Variants in SRPK2 observed in about 807,000 individuals in gnomAD.
SRPK2 encodes SFRS protein kinase 2.
A neutral mutation model predicts 90.8 loss-of-function variants in SRPK2; 21 were observed. The observed-to-expected ratio is 0.23, with a 90% CI of 0.16 to 0.33. SRPK2 has a LOEUF of 0.33. Among genes scored for constraint, SRPK2 ranks in the 10% least tolerant of loss-of-function variants. SRPK2 has a pLI of 1.00. For missense variants in SRPK2, 620 were observed against 869.0 expected, an observed-to-expected ratio of 0.71 and a Z score of 3.60; for synonymous variants, 288 against 311.1, an observed-to-expected ratio of 0.93 and a Z score of 0.78.
At chr7:105,157,100 A>G (rs1426655672) in intron 7 of SRPK2, among the ~76,000 whole-genome samples, 1 of 152,224 alleles carries the variant, frequency 6.6e-6, no homozygotes, top group Non-Finnish European at 1.5e-5. Context: ...GTATGCACAG[A>G]GAGCCAAGAA....
chr7:105,169,284 AAG>A lies in SRPK2; in HGVS notation c.230-21_230-20del, dbSNP rs746003582. ...TATCCACCTTAAAAAACAAGAAAGA[AAG>A]AAAAAAATTCAAAATATTCGAAAAG... On this transcript the variant is annotated intron_variant, in intron 3 of 15. Coordinates refer to ENST00000393651, the MANE Select transcript of SRPK2 (RefSeq NM_182692.3). The A allele has an allele frequency of 6.3e-7, 1 of 1,592,148 alleles. No individual in the cohort carries two copies. Among genetic ancestry groups the A allele is most frequent in the Non-Finnish European group, 8.6e-7 (1 of 1,163,332 alleles).
chr7:105,292,680 T>C (rs1176135974), intron 2 of SRPK2, among the ~76,000 whole-genome samples: 3 of 152,148 alleles, frequency 2.0e-5, no homozygotes, highest in African/African-American at 7.2e-5. Flanking sequence ...TGTTTTTCTG[T>C]TTTATTCCTT....
At chr7:105,228,446 A>T (rs2129618809) in intron 2 of SRPK2, among the ~76,000 whole-genome samples, 1 of 152,368 alleles carries the variant, frequency 6.6e-6, no homozygotes, top group Non-Finnish European at 1.5e-5. Context: ...ACAAACTTGA[A>T]AGATGAAATA....
chr7:105,352,050 G>C (rs1220058653), intron 2 of SRPK2, among the ~76,000 whole-genome samples: 2 of 152,078 alleles, frequency 1.3e-5, no homozygotes, highest in Non-Finnish European at 2.9e-5. Context: ...GAGAAAATAA[G>C]AGATTCAGGA....
intron 2 of SRPK2, among the ~76,000 whole-genome samples, chr7:105,226,703 GA>G (rs1203511355): frequency 6.6e-6 from 1 of 152,018 alleles, no homozygotes; most frequent in Non-Finnish European, 1.5e-5. Flanking sequence ...CAGACTTAAG[GA>G]TAAGACAGTG....
At chr7:105,337,839 C>A (rs542545688) in intron 2 of SRPK2, among the ~76,000 whole-genome samples, 33 of 151,772 alleles carry the variant, frequency 2.2e-4, no homozygotes, top group African/African-American at 8.0e-4. Context: ...TATGGCAGCC[C>A]GGGTCAACTA....
chr7:105,266,413 T>C (rs1427564217), intron 2 of SRPK2, among the ~76,000 whole-genome samples: 1 of 152,172 alleles, frequency 6.6e-6, no homozygotes, highest in Non-Finnish European at 1.5e-5. Flanking sequence ...GAGGTACTTT[T>C]CTCTACCCAG....
chr7:105,241,026 C>T (rs1800748771), intron 2 of SRPK2, among the ~76,000 whole-genome samples: 1 of 152,066 alleles, frequency 6.6e-6, no homozygotes, highest in Admixed American at 6.5e-5. Flanking sequence ...GATGTAAGAA[C>T]TCTTAAGTGA....
chr7:105,295,320 A>G (rs1809656527), intron 2 of SRPK2, among the ~76,000 whole-genome samples: 1 of 151,712 alleles, frequency 6.6e-6, no homozygotes, highest in Non-Finnish European at 1.5e-5. Context: ...TTATGTTACA[A>G]ATTCATATAA....
chr7:105,271,794 A>G (rs1460718182), intron 2 of SRPK2, among the ~76,000 whole-genome samples: 7 of 152,158 alleles, frequency 4.6e-5, no homozygotes, highest in Non-Finnish European at 8.8e-5. Flanking sequence ...TCAATTAGTC[A>G]GTTGTTTTGG....
chr7:105,146,799 C>T, intron 7 of SRPK2, 141 bp from the exon 8 acceptor site: 1 of 808,858 alleles, frequency 1.2e-6, no homozygotes, highest in East Asian at 2.7e-5. Context: ...AATCTCCCTC[C>T]CATGCCTACC....
At chr7:105,168,745 A>ATGTGTGTGTGTG (rs58073613) in intron 4 of SRPK2, among the ~76,000 whole-genome samples, 5,481 of 103,970 alleles carry the variant, frequency 0.053, 266 homozygotes, top group Middle Eastern at 0.11. Context: ...CACGCACCAA[A>ATGTGTGTGTGTG]TGTGTGTGTG....
At chr7:105,267,646 A>G (rs1805276890) in intron 2 of SRPK2, among the ~76,000 whole-genome samples, 1 of 152,166 alleles carries the variant, frequency 6.6e-6, no homozygotes, top group South Asian at 2.1e-4. Context: ...TTAGAGCCAT[A>G]AGCTTTTTCC....
At chr7:105,274,557 G>A (rs1299576652) in intron 2 of SRPK2, among the ~76,000 whole-genome samples, 1 of 150,694 alleles carries the variant, frequency 6.6e-6, no homozygotes, top group African/African-American at 2.4e-5. Flanking sequence ...GCAAGACTCC[G>A]TCTCAAAAAA....
intron 13 of SRPK2, among the ~76,000 whole-genome samples, chr7:105,132,269 G>T (rs905731648): frequency 1.3e-5 from 2 of 152,206 alleles, no homozygotes; most frequent in Non-Finnish European, 2.9e-5. Context: ...GCTTTATAAG[G>T]GAAGAGAGAT....
rs540703941 is a variant in SRPK2, at chr7:105,268,704, A to G, written c.72-64919T>C. The G allele has an allele frequency of 7.3e-5, 99 of 1,348,426 alleles. No individual in the cohort carries two copies. In the East Asian group the frequency reaches 1.8e-3, roughly 25 times the overall value. The allele number at this position is 1,348,426 out of a possible 1,614,324, so 83.5% of individuals were successfully genotyped here. On this transcript the variant is annotated intron_variant, in intron 2 of 15. Transcript: ENST00000393651. ...ACAGCACAATACCAGCATGCAGGAC[A>G]ATACGTTATATAGCAAACTTGACAA...
chr7:105,176,124 A>G (rs2129593584), intron 3 of SRPK2, among the ~76,000 whole-genome samples: 1 of 152,332 alleles, frequency 6.6e-6, no homozygotes, highest in South Asian at 2.1e-4. Context: ...AGGATAAAAC[A>G]TCATGATCAA....
rs555776810 is a variant in SRPK2, at chr7:105,361,563, G to C, written c.71+27085C>G. On this transcript the variant is annotated intron_variant, in intron 2 of 15. Coordinates refer to ENST00000393651, the MANE Select transcript of SRPK2 (RefSeq NM_182692.3). ...TAAAACTGGAGGCATCATGCTACCT[G>C]ACTTCAGACTATACTACAAGGCTAC... 5.3e-5 allele frequency among the ~76,000 whole-genome samples: 8 copies of C among 152,268 alleles called. No individual in the cohort carries two copies. In the East Asian group the frequency reaches 1.5e-3, roughly 29 times the overall value.
At chr7:105,173,498 T>A (rs889125122) in intron 3 of SRPK2, among the ~76,000 whole-genome samples, 2 of 152,144 alleles carry the variant, frequency 1.3e-5, no homozygotes, top group Admixed American at 1.3e-4. Flanking sequence ...AAGAGTGGTC[T>A]CTGTCCCCGT....
Sources: allele counts gnomAD v4.1 joint callset (sites outside exome capture counted in the v4.1 genomes callset), GRCh38; gene constraint gnomAD v4.1.1; transcripts MANE v1.5; gene names NCBI Gene and HGNC (gene_info 2026-07-23, HGNC 2026-07-21).